FAM107B: variants seen among roughly 807,000 people sequenced by gnomAD.
FAM107B encodes family with sequence similarity 107 member B, also known as protein FAM107B.
In FAM107B, 21 loss-of-function variants were observed where a neutral mutation model predicts 31.5. The ratio of observed to expected loss-of-function variants is 0.67; its 90% confidence interval spans 0.47 to 0.96. The LOEUF is 0.96. Ranked by LOEUF, FAM107B falls within the 40% of genes least tolerant of loss-of-function variation. The pLI is 0.00. For missense variants in FAM107B, 452 were observed against 377.1 expected, an observed-to-expected ratio of 1.20 and a Z score of -1.64; for synonymous variants, 157 against 141.5, an observed-to-expected ratio of 1.11 and a Z score of -0.78.
chr10:14,521,061 C>G lies in FAM107B; in HGVS notation c.*129G>C. 1.3e-6 allele frequency: 1 copy of G among 761,296 alleles called. No individual in the cohort carries two copies. The highest frequency in any genetic ancestry group is 1.8e-5 in the South Asian group (1 of 55,878). The allele number at this position is 761,296 out of a possible 1,614,324, so 47.2% of individuals were successfully genotyped here. ...CCACCCAGATCGTAGGAAAATCAAA[C>G]CAAATCCTACTGCAAGTCAAAATTC... On this transcript the variant is annotated 3_prime_UTR_variant, in exon 5 of 5. Coordinates refer to ENST00000181796, the MANE Select transcript of FAM107B (RefSeq NM_031453.4).
intron 1 of FAM107B, among the ~76,000 whole-genome samples, chr10:14,742,643 A>G (rs1490008727): frequency 1.3e-5 from 2 of 152,144 alleles, no homozygotes; most frequent in East Asian, 1.9e-4. Context: ...CAAGAGTGAC[A>G]GTGGATTGCA....
intron 2 of FAM107B, among the ~76,000 whole-genome samples, chr10:14,531,544 A>G (rs986467024): frequency 7.3e-5 from 11 of 149,894 alleles, no homozygotes; most frequent in Non-Finnish European, 1.0e-4. Flanking sequence ...GAAAAGAAAA[A>G]AAAAAAAAAA....
At chr10:14,677,247 GC>G (rs1460456306) in intron 1 of FAM107B, among the ~76,000 whole-genome samples, 1 of 152,064 alleles carries the variant, frequency 6.6e-6, no homozygotes, top group African/African-American at 2.4e-5. Flanking sequence ...TCAAACCCAG[GC>G]CTACTCGGCT....
chr10:14,591,887 T>A (rs1383387905), intron 2 of FAM107B, among the ~76,000 whole-genome samples: 2 of 151,628 alleles, frequency 1.3e-5, no homozygotes, highest in African/African-American at 4.9e-5. Flanking sequence ...AAATCCAGAA[T>A]GTGGAACATT....
intron 1 of FAM107B, among the ~76,000 whole-genome samples, chr10:14,703,245 C>A (rs1482761783): frequency 6.6e-6 from 1 of 152,036 alleles, no homozygotes; most frequent in African/African-American, 2.4e-5. Context: ...ATGAACCCTC[C>A]AAGGGCAAAG....
intron 2 of FAM107B, among the ~76,000 whole-genome samples, chr10:14,603,538 G>T (rs1276406694): frequency 6.6e-6 from 1 of 152,132 alleles, no homozygotes; most frequent in South Asian, 2.1e-4. Flanking sequence ...TTTCACAAGT[G>T]GTGGACACCA....
chr10:14,629,873 A>G (rs7901423), intron 2 of FAM107B, among the ~76,000 whole-genome samples: 6,593 of 151,616 alleles, frequency 0.043, 206 homozygotes, highest in African/African-American at 0.09. Context: ...ATAAATTTAG[A>G]AAAAAAACAT....
intron 1 of FAM107B, among the ~76,000 whole-genome samples, chr10:14,720,245 GT>G (rs911934643): frequency 6.6e-6 from 1 of 152,074 alleles, no homozygotes; most frequent in African/African-American, 2.4e-5. Context: ...AAAGACATAT[GT>G]TTTTTGGTAA....
At chr10:14,575,924 A>G (rs780661076) in intron 2 of FAM107B, among the ~76,000 whole-genome samples, 45 of 152,258 alleles carry the variant, frequency 3.0e-4, no homozygotes, top group Admixed American at 8.5e-4. Flanking sequence ...AAAAGGAAGG[A>G]AATTGTCATA....
intron 2 of FAM107B, among the ~76,000 whole-genome samples, chr10:14,629,598 C>T (rs567510612): frequency 1.6e-3 from 237 of 145,158 alleles, no homozygotes; most frequent in Non-Finnish European, 2.5e-3. Context: ...CTGCAAGCTC[C>T]GCCTCCCGGG....
intron 2 of FAM107B, chr10:14,554,103 C>A: frequency 2.0e-6 from 2 of 985,378 alleles, no homozygotes; most frequent in Non-Finnish European, 2.4e-6. Flanking sequence ...TATGGACTCA[C>A]CTGATCACAG....
chr10:14,677,697 G>C (rs921121779), intron 1 of FAM107B, among the ~76,000 whole-genome samples: 1 of 152,136 alleles, frequency 6.6e-6, no homozygotes, highest in Non-Finnish European at 1.5e-5. Context: ...GTTAGTGTGG[G>C]TTGGTCAGTG....
intron 1 of FAM107B, among the ~76,000 whole-genome samples, chr10:14,769,137 C>A (rs1410082245): frequency 6.6e-6 from 1 of 152,164 alleles, no homozygotes; most frequent in Non-Finnish European, 1.5e-5. Context: ...TATCCAGCAA[C>A]ACAGGGAGTC....
intron 1 of FAM107B, among the ~76,000 whole-genome samples, chr10:14,742,045 A>G (rs541318596): frequency 6.6e-6 from 1 of 152,078 alleles, no homozygotes; most frequent in South Asian, 2.1e-4. Flanking sequence ...AATTTTGCCC[A>G]TGAATTAACA....
intron 1 of FAM107B, among the ~76,000 whole-genome samples, chr10:14,732,923 T>A (rs1463800824): frequency 6.8e-6 from 1 of 146,290 alleles, no homozygotes; most frequent in Non-Finnish European, 1.5e-5. Context: ...TATATTAATA[T>A]TATATAATAT....
At chr10:14,598,076 C>A (rs761683025) in intron 2 of FAM107B, among the ~76,000 whole-genome samples, 19 of 152,180 alleles carry the variant, frequency 1.2e-4, no homozygotes, top group Non-Finnish European at 2.4e-4. Context: ...CAGATATTAA[C>A]CCCTTATTGG....
At chr10:14,737,281 G>C (rs751487909) in intron 1 of FAM107B, among the ~76,000 whole-genome samples, 1 of 151,960 alleles carries the variant, frequency 6.6e-6, no homozygotes, top group Non-Finnish European at 1.5e-5. Flanking sequence ...AGAAAGAGAG[G>C]AGTGGAGAGG....
intron 2 of FAM107B, chr10:14,548,648 A>G (rs1432940323): frequency 2.0e-5 from 20 of 985,134 alleles, no homozygotes; most frequent in Non-Finnish European, 2.3e-5. Flanking sequence ...GAAGGCAGGC[A>G]CTCCCAGAAG....
intron 1 of FAM107B, among the ~76,000 whole-genome samples, chr10:14,761,833 A>G (rs1833054413): frequency 6.6e-6 from 1 of 152,108 alleles, no homozygotes; most frequent in Non-Finnish European, 1.5e-5. Flanking sequence ...TCCTGGCCTC[A>G]AGTGATCCGC....
Sources: gnomAD v4.1 joint callset for allele counts (sites outside exome capture counted in the v4.1 genomes callset) on GRCh38, gnomAD v4.1.1 for gene constraint, MANE v1.5 for transcripts, NCBI Gene and HGNC (gene_info 2026-07-23, HGNC 2026-07-21) for gene names.